Variants in TRIM16 observed in about 807,000 individuals in gnomAD.
The protein encoded by TRIM16 is tripartite motif containing 16, also known as tripartite motif-containing protein 16.
TRIM16 carries 33 observed loss-of-function variants against 50.4 expected under a neutral mutation model. The observed-to-expected ratio is 0.65, with a 90% CI of 0.50 to 0.88. TRIM16 has a LOEUF of 0.88. Ranked by LOEUF, TRIM16 falls within the 40% of genes least tolerant of loss-of-function variation. The pLI, the probability that TRIM16 is intolerant of heterozygous loss-of-function variation, is 0.00. For synonymous variants in TRIM16, 229 were observed against 270.7 expected (o/e 0.85, Z 1.51); for missense variants, 581 against 686.8 (o/e 0.85, Z 1.72).
chr17:15,654,562 T>C (rs1012109095), intron 6 of TRIM16: 14 of 152,228 alleles, frequency 9.2e-5, no homozygotes, highest in African/African-American at 3.4e-4. Context: ...TGTTTTTCTG[T>C]GGCCAGTGAG....
At chr17:15,642,882 C>G (rs1987179946) in intron 7 of TRIM16, 66 bp from the exon 8 acceptor site, 2 of 462,204 alleles carry the variant, frequency 4.3e-6, no homozygotes, top group Non-Finnish European at 7.1e-6. Flanking sequence ...CACGGGCACT[C>G]TCCAGCCCTG....
At chr17:15,655,273 C>T (rs1987920284) in intron 6 of TRIM16, among the ~76,000 whole-genome samples, 1 of 152,174 alleles carries the variant, frequency 6.6e-6, no homozygotes, top group Admixed American at 6.5e-5. Context: ...AAGGTAGTTG[C>T]CCTGCCTGGC....
chr17:15,629,537 G>C (rs1297469381), intron 11 of TRIM16, among the ~76,000 whole-genome samples: 1 of 152,278 alleles, frequency 6.6e-6, no homozygotes, highest in Non-Finnish European at 1.5e-5. Context: ...ATCCTACCCA[G>C]TGTTGGCAAG....
At chr17:15,659,687 G>A (rs1988134229) in intron 6 of TRIM16, among the ~76,000 whole-genome samples, 1 of 152,196 alleles carries the variant, frequency 6.6e-6, no homozygotes, top group Non-Finnish European at 1.5e-5. Flanking sequence ...TAAAAAATCT[G>A]TAACAAATGT....
intron 4 of TRIM16, 100 bp downstream of exon 4, chr17:15,680,765 A>G: frequency 7.3e-7 from 1 of 1,366,982 alleles, no homozygotes; most frequent in Non-Finnish European, 9.8e-7. Context: ...GAGAAAAAAA[A>G]TTTGCTTCAG....
Position 15,629,184 on chromosome 17 carries a change from T to A in TRIM16, c.1126A>T (p.Thr376Ser), listed in dbSNP as rs936110118. Residue 376 changes from threonine (T) to serine (S), a missense_variant, in exon 12 of 12, where the codon ACG becomes TCG. This residue lies in a region of TRIM16 where 450 missense variants were observed against 544.3 expected (regional missense o/e 0.83). Transcript: ENST00000649191. Reference protein sequence around the residue: ...EQFLQYAYDITFDPDTAHKYL... With the variant: ...EQFLQYAYDISFDPDTAHKYL... Reference sequence around the variant, plus strand: ...TTGTGTGCTGTGTCCGGGTCAAACGTGATGTCATACGCATCTGAGGAGACA... The same window carrying A: ...TTGTGTGCTGTGTCCGGGTCAAACGAGATGTCATACGCATCTGAGGAGACA... 1 of 1,610,786 alleles carries A rather than the reference T, an allele frequency of 6.2e-7. No individual in the cohort carries two copies. The highest frequency in any genetic ancestry group is 1.3e-5 in the African/African-American group (1 of 74,976).
At chr17:15,650,876 C>T (rs961313122) in intron 7 of TRIM16, among the ~76,000 whole-genome samples, 1 of 152,132 alleles carries the variant, frequency 6.6e-6, no homozygotes, top group African/African-American at 2.4e-5. Flanking sequence ...GACAGTGGGA[C>T]AGAGATGGGG....
intron 7 of TRIM16, among the ~76,000 whole-genome samples, chr17:15,650,104 G>A (rs1987613263): frequency 6.6e-6 from 1 of 152,150 alleles, no homozygotes; most frequent in Non-Finnish European, 1.5e-5. Flanking sequence ...CTAGGGATTG[G>A]CAGAGAGGAG....
At chr17:15,682,641 G>A (rs1387991281) in intron 3 of TRIM16, among the ~76,000 whole-genome samples, 1 of 152,194 alleles carries the variant, frequency 6.6e-6, no homozygotes, top group African/African-American at 2.4e-5. Flanking sequence ...AGGGACTAGG[G>A]CTCTCCCATG....
At chr17:15,656,709 C>T (rs77739553) in intron 6 of TRIM16, among the ~76,000 whole-genome samples, 346 of 152,230 alleles carry the variant, frequency 2.3e-3, no homozygotes, top group African/African-American at 7.9e-3. Context: ...ATTCTCAGAA[C>T]GTTCTACCTC....
At chr17:15,682,783 ATCT>A in intron 3 of TRIM16, 68 bp downstream of exon 3, 1 of 1,316,182 alleles carries the variant, frequency 7.6e-7, no homozygotes, top group Non-Finnish European at 9.8e-7. Flanking sequence ...GAAGTAAGGT[ATCT>A]TCTTTTTTCA....
intron 6 of TRIM16, among the ~76,000 whole-genome samples, chr17:15,675,900 G>T (rs181834512): frequency 0.014 from 2,154 of 150,066 alleles, 23 homozygotes; most frequent in Non-Finnish European, 0.02. Flanking sequence ...GTTTGTGTTC[G>T]TTAGAGTTCT....
chr17:15,644,352 A>T (rs979757066), intron 7 of TRIM16, among the ~76,000 whole-genome samples: 1 of 152,004 alleles, frequency 6.6e-6, no homozygotes, highest in African/African-American at 2.4e-5. Context: ...CACCTGGCTA[A>T]TTTTTTTGTA....
chr17:15,641,844 G>A (rs1987129546), intron 8 of TRIM16, among the ~76,000 whole-genome samples: 1 of 147,970 alleles, frequency 6.8e-6, no homozygotes, highest in Non-Finnish European at 1.5e-5. Context: ...TAGGTGTTTT[G>A]CATTCTCTCT....
At chr17:15,638,500 G>T (rs540704916) in intron 8 of TRIM16, among the ~76,000 whole-genome samples, 1 of 149,208 alleles carries the variant, frequency 6.7e-6, no homozygotes, top group Admixed American at 6.6e-5. Context: ...AACCTAGGAA[G>T]CGGAGCTTGC....
intron 6 of TRIM16, among the ~76,000 whole-genome samples, chr17:15,674,239 G>A (rs1040983729): frequency 2.6e-5 from 4 of 151,948 alleles, no homozygotes; most frequent in Admixed American, 2.0e-4. Context: ...GCATGGTGAC[G>A]GGCACCTGTA....
At position 15,628,894 on chromosome 17, in the gene TRIM16, G is replaced by T; in HGVS notation, c.1416C>A (p.Asn472Lys). 6.2e-7 allele frequency: 1 copy of T among 1,614,208 alleles called. No individual in the cohort carries two copies. The highest frequency in any genetic ancestry group is 1.1e-5 in the South Asian group (1 of 91,082). Residue 472 changes from asparagine (N) to lysine (K), a missense_variant, in exon 12 of 12, where the codon AAC becomes AAA. Around this residue, in one of 3 missense-constraint regions of TRIM16, gnomAD observed 115 missense variants for 106.7 expected, o/e 1.08. Coordinates refer to ENST00000649191, the MANE Select transcript of TRIM16 (RefSeq NM_001348119.1). The stretch of plus-strand genomic sequence containing the variant: ...TGTACCAGGCCGTGAACTCCTTCCC[G>T]TTCCATTGGAGGCTCCAGGAGAAGT... ...GNNFSWSLQW[N>K]GKEFTAWYSD...
intron 6 of TRIM16, among the ~76,000 whole-genome samples, chr17:15,670,112 T>A (rs1988665025): frequency 6.6e-6 from 1 of 152,238 alleles, no homozygotes; most frequent in Non-Finnish European, 1.5e-5. Flanking sequence ...TCAGTTAGAA[T>A]GAGTGTTCTA....
intron 11 of TRIM16, among the ~76,000 whole-genome samples, 191 bp downstream of exon 11, chr17:15,631,428 T>C (rs1986412579): frequency 6.6e-6 from 1 of 152,260 alleles, no homozygotes; most frequent in African/African-American, 2.4e-5. Flanking sequence ...GTAATATTTT[T>C]GTAAGTTTCA....
Sources: gnomAD v4.1 joint callset for allele counts (sites outside exome capture counted in the v4.1 genomes callset) on GRCh38, gnomAD v4.1.1 for gene constraint, gnomAD v4.1.1 regional missense constraint, MANE v1.5 for transcripts, NCBI Gene and HGNC (gene_info 2026-07-23, HGNC 2026-07-21) for gene names.